Variants in KIR3DL2 observed in about 807,000 individuals in gnomAD.
KIR3DL2 encodes killer cell immunoglobulin like receptor, three Ig domains and long cytoplasmic tail 2, also known as killer cell immunoglobulin-like receptor 3DL2.
A neutral mutation model predicts 41.6 loss-of-function variants in KIR3DL2; 42 were observed. The ratio of observed to expected loss-of-function variants is 1.01; its 90% CI spans 0.79 to 1.31. The LOEUF (loss-of-function observed/expected upper bound fraction) is 1.31. KIR3DL2 is among the 50% of genes most tolerant of loss of function. KIR3DL2 has a pLI of 0.00. For synonymous variants in KIR3DL2, 230 were observed against 221.3 expected (o/e 1.04, Z -0.35); for missense variants, 728 against 576.8 (o/e 1.26, Z -2.68).
chr19:54,861,923 C>T (rs917932635), intron 6 of KIR3DL2, among the ~76,000 whole-genome samples: 13 of 151,780 alleles, frequency 8.6e-5, no homozygotes, highest in African/African-American at 3.1e-4. Context: ...TCACCCAAAT[C>T]CCCCACCTCA....
chr19:54,860,165 T>C (rs2065072331), intron 6 of KIR3DL2, among the ~76,000 whole-genome samples: 1 of 152,122 alleles, frequency 6.6e-6, no homozygotes, highest in African/African-American at 2.4e-5. Flanking sequence ...TCACAAGCTA[T>C]GGAGGCTAGG....
intron 3 of KIR3DL2, 115 bp from the exon 4 acceptor site, chr19:54,853,632 C>A: frequency 8.1e-7 from 1 of 1,228,076 alleles, no homozygotes; most frequent in East Asian, 2.6e-5. Context: ...GACACGGAGA[C>A]ACAGAGAGGG....
At chr19:54,853,034 G>A (rs199935501) in intron 3 of KIR3DL2, among the ~76,000 whole-genome samples, 6,368 of 150,988 alleles carry the variant, frequency 0.042, 232 homozygotes, top group East Asian at 0.091. Context: ...CACTTGAACC[G>A]GGGAGGCAGA....
intron 4 of KIR3DL2, 53 bp from the exon 5 acceptor site, chr19:54,855,566 G>A: frequency 6.3e-7 from 1 of 1,595,364 alleles, no homozygotes; most frequent in Non-Finnish European, 8.5e-7. Flanking sequence ...AGGTATGAGG[G>A]GAGCTGTGAC....
intron 6 of KIR3DL2, among the ~76,000 whole-genome samples, chr19:54,861,207 G>A (rs1355954607): frequency 1.5e-5 from 2 of 131,420 alleles, no homozygotes; most frequent in African/African-American, 5.7e-5. Context: ...GGCTGGAAAG[G>A]CTTGCTGGGT....
At chr19:54,854,794 A>G (rs1193383051) in intron 4 of KIR3DL2, among the ~76,000 whole-genome samples, 4 of 151,920 alleles carry the variant, frequency 2.6e-5, no homozygotes, top group African/African-American at 9.7e-5. Flanking sequence ...GCTGGAAGGG[A>G]GGAGAGAAAA....
At chr19:54,862,958 A>C (rs1049877794) in intron 6 of KIR3DL2, among the ~76,000 whole-genome samples, 6 of 144,230 alleles carry the variant, frequency 4.2e-5, no homozygotes, top group Non-Finnish European at 7.6e-5. Flanking sequence ...GCACCCATCA[A>C]CTCGTCATTT....
chr19:54,863,608 C>A (rs1001745801), intron 6 of KIR3DL2, among the ~76,000 whole-genome samples: 3 of 152,032 alleles, frequency 2.0e-5, no homozygotes, highest in African/African-American at 7.2e-5. Flanking sequence ...GATGGCCAGT[C>A]ATGGTGAGCA....
chr19:54,859,996 T>TTA (rs2065062745), intron 6 of KIR3DL2, among the ~76,000 whole-genome samples: 2 of 151,502 alleles, frequency 1.3e-5, no homozygotes, highest in Admixed American at 6.6e-5. Context: ...CTTCTTGCCC[T>TTA]TCTTTTGAAA....
At chr19:54,866,090 T>C (rs2065493047) in intron 7 of KIR3DL2, among the ~76,000 whole-genome samples, 181 bp downstream of exon 7, 1 of 152,024 alleles carries the variant, frequency 6.6e-6, no homozygotes. Context: ...CACAGACCAT[T>C]GCCTGGTTCT....
Position 54,855,900 on chromosome 19 carries a change from G to C in KIR3DL2, c.937G>C (p.Val313Leu). 9 of 1,613,498 alleles carry C rather than the reference G, an allele frequency of 5.6e-6. No homozygotes were observed. The highest frequency in any genetic ancestry group is 7.6e-6 in the Non-Finnish European group (9 of 1,179,920). The change falls in exon 5 of 9, where the codon GTT (valine) becomes CTT (leucine). Residue 313 changes from valine to leucine, a missense_variant. Physicochemically the swap from Val to Leu is conservative, Grantham distance 32. Transcript: ENST00000326321. ...VWSNSSDPLL[V>L]SVTGNPSSSW... ...GTCAAACTCAAGTGACCCACTGCTT[G>C]TTTCTGTCACAGGTGAGGAAAACCC...
intron 4 of KIR3DL2, 134 bp from the exon 5 acceptor site, chr19:54,855,485 G>C: frequency 7.5e-7 from 1 of 1,338,390 alleles, no homozygotes; most frequent in South Asian, 1.5e-5. Flanking sequence ...TAGACATGAA[G>C]AGAGTTGGGG....
intron 2 of KIR3DL2, among the ~76,000 whole-genome samples, chr19:54,851,754 T>A (rs1601721808): frequency 6.6e-6 from 1 of 151,872 alleles, no homozygotes; most frequent in East Asian, 1.9e-4. Flanking sequence ...TGTTGTTTTA[T>A]GTGAGTAATT....
intron 4 of KIR3DL2, among the ~76,000 whole-genome samples, chr19:54,855,172 A>G (rs1293598272): frequency 4.0e-5 from 6 of 151,460 alleles, no homozygotes; most frequent in Middle Eastern, 3.2e-3. Flanking sequence ...ATAGATACAG[A>G]TAATACATAG....
rs967732606 is a variant in KIR3DL2 at position 54,857,934 on chromosome 19, G to A, written c.950-1145G>A. Among the ~76,000 whole-genome samples, 624 of 151,830 alleles carry A rather than the reference G, an allele frequency of 4.1e-3. 21 individuals carry two copies. Among genetic ancestry groups the A allele is most frequent in the African/African-American group, 0.015 (610 of 41,214 alleles). On this transcript the variant is annotated intron_variant, in intron 5 of 8. Transcript: ENST00000326321. ...TGATGCTGAGCACTTTTTCATATACGTGATCGCCATTTCTATGTTTTGTTT... is the reference window on the plus strand; with the variant it reads ...TGATGCTGAGCACTTTTTCATATACATGATCGCCATTTCTATGTTTTGTTT...
intron 6 of KIR3DL2, among the ~76,000 whole-genome samples, chr19:54,862,956 C>T (rs1454090349): frequency 2.0e-5 from 3 of 147,408 alleles, no homozygotes; most frequent in African/African-American, 5.0e-5. Context: ...CTGCACCCAT[C>T]AACTCGTCAT....
Position 54,866,960 on chromosome 19 carries a change from C to T in KIR3DL2, c.*229C>T, listed in dbSNP as rs28533724. On this transcript the variant is annotated 3_prime_UTR_variant, in exon 9 of 9. Coordinates refer to ENST00000326321, the MANE Select transcript of KIR3DL2 (RefSeq NM_006737.4). ...TATTTCACTTGACCCCTGCCCACCTCTCCAACCTAACTGGCTTACTTCCTA... is the reference window on the plus strand; with the variant it reads ...TATTTCACTTGACCCCTGCCCACCTTTCCAACCTAACTGGCTTACTTCCTA... 1.7e-6 allele frequency: 1 copy of T among 590,110 alleles called. No individual in the cohort carries two copies. The highest frequency in any genetic ancestry group is 3.0e-6 in the Non-Finnish European group (1 of 338,690). The allele number at this position is 590,110 out of a possible 1,614,324, so 36.6% of individuals were successfully genotyped here. A position where few individuals can be genotyped will look rare whatever the true frequency, so the allele number is the denominator to read the frequency against.
chr19:54,867,075 G>A lies in KIR3DL2; in HGVS notation c.*344G>A, dbSNP rs2065586334. ...TTAACACGGCACTTACACACTTGCT[G>A]TTCCACCTTCCCTCATGCTGTTCCA... On this transcript the variant is annotated 3_prime_UTR_variant, in exon 9 of 9. Coordinates refer to ENST00000326321, the MANE Select transcript of KIR3DL2 (RefSeq NM_006737.4). The A allele has an allele frequency of 6.2e-6, 2 of 323,508 alleles. No homozygotes were observed. Among genetic ancestry groups the A allele is most frequent in the Admixed American group, 4.7e-5 (1 of 21,264 alleles). The allele number at this position is 323,508 out of a possible 1,614,324, so 20.0% of individuals were successfully genotyped here. A position where few individuals can be genotyped will look rare whatever the true frequency, so the allele number is the denominator to read the frequency against.
intron 2 of KIR3DL2, among the ~76,000 whole-genome samples, chr19:54,851,796 A>C (rs771700549): frequency 2.0e-4 from 30 of 151,932 alleles, no homozygotes; most frequent in East Asian, 9.6e-4. Flanking sequence ...AGAGTCACTT[A>C]TTCAGCACTT....
Sources: allele counts gnomAD v4.1 joint callset (sites outside exome capture counted in the v4.1 genomes callset), GRCh38; gene constraint gnomAD v4.1.1; transcripts MANE v1.5; gene names NCBI Gene and HGNC (gene_info 2026-07-23, HGNC 2026-07-21).